The following CATSPER4 variants were observed in gnomAD, a reference collection of about 807,000 sequenced individuals.
CATSPER4 encodes cation channel sperm-associated protein 4.
A neutral mutation model predicts 54.4 loss-of-function variants in CATSPER4; 46 were observed. That is an observed-to-expected ratio of 0.84 (90% CI 0.67 to 1.08). CATSPER4 has a LOEUF of 1.08. Among genes scored for constraint, CATSPER4 ranks in the 50% least tolerant of loss-of-function variants. The pLI is 0.00. For missense variants in CATSPER4, 574 were observed against 612.8 expected (o/e 0.94, Z 0.67); for synonymous variants, 230 against 231.9 (o/e 0.99, Z 0.08).
At position 26,199,971 on chromosome 1, in the gene CATSPER4, C is replaced by T. The variant is rs2088988882; in HGVS notation, c.900C>T (p.Asn300=). Residue 300 remains asparagine, a synonymous_variant, in exon 7 of 10, where the codon AAC becomes AAT. Transcript: ENST00000456354. ...CCATCGGTGCCTTCATTGGCATCAA[C>T]CTGTTCGTCATCGTGGTGACCACCA... The part of the protein sequence containing the change: ...FITIGAFIGI[N]LFVIVVTTNL... The T allele has an allele frequency of 5.0e-6, 8 of 1,614,116 alleles. No individual in the cohort carries two copies. Among genetic ancestry groups the T allele is most frequent in the South Asian group, 1.1e-5 (1 of 91,062 alleles).
rs1569904744 is a variant in CATSPER4, at chr1:26,196,375, A to G, written c.460-1311A>G. 2.4e-5 allele frequency among the ~76,000 whole-genome samples: 3 copies of G among 124,862 alleles called. No homozygotes were observed. The East Asian group carries it at 7.1e-4, about 30-fold the overall frequency. 81.9% of individuals were successfully genotyped at this position (124,862 alleles called of 152,430 possible). A position where few individuals can be genotyped will look rare whatever the true frequency, so the allele number is the denominator to read the frequency against. Reference sequence around the variant, plus strand: ...TAGTTTATCCAATCAGTCTCTTCTGATCATTTGACACGTTGGTTTTCTTTT... The same window carrying G: ...TAGTTTATCCAATCAGTCTCTTCTGGTCATTTGACACGTTGGTTTTCTTTT... On this transcript the variant is annotated intron_variant, in intron 3 of 9. Coordinates refer to ENST00000456354, the MANE Select transcript of CATSPER4 (RefSeq NM_198137.2).
chr1:26,193,847 G>T lies in CATSPER4; in HGVS notation c.418G>T (p.Val140Phe). The T allele has an allele frequency of 1.2e-6, 2 of 1,614,102 alleles. No homozygotes were observed. The highest frequency in any genetic ancestry group is 1.7e-6 in the Non-Finnish European group (2 of 1,179,984). The change falls in exon 3 of 10, where the codon GTT becomes TTT. Residue 140 changes from valine (V) to phenylalanine (F), a missense_variant. Coordinates refer to ENST00000456354, the MANE Select transcript of CATSPER4 (RefSeq NM_198137.2). ...TGTGCTGACCATCCTTCTTTGTGAGGTTCTCCTTGGCTGGCTCAATGGCTT... is the reference window on the plus strand; with the variant it reads ...TGTGCTGACCATCCTTCTTTGTGAGTTTCTCCTTGGCTGGCTCAATGGCTT... ...DIVLTILLCE[V>F]LLGWLNGFWI...
chr1:26,201,129 T>C lies in CATSPER4; in HGVS notation c.1199+88T>C. On this transcript the variant is annotated intron_variant, in intron 8 of 9. Transcript: ENST00000456354. ...GTCTTCTGGCCTCACGCCCTCACCA[T>C]TTATAAGGCAGAGCCTGGGCCCCAC... 4.2e-6 allele frequency: 5 copies of C among 1,182,050 alleles called. No homozygotes were observed. The South Asian group carries it at 4.9e-5, about 12-fold the overall frequency. The allele number at this position is 1,182,050 out of a possible 1,614,324, so 73.2% of individuals were successfully genotyped here.
intron 9 of CATSPER4, 106 bp from the exon 10 acceptor site, chr1:26,202,383 C>T (rs1194442574): frequency 2.0e-6 from 2 of 999,352 alleles, no homozygotes; most frequent in African/African-American, 1.6e-5. Context: ...AAGCACTTCT[C>T]TGGGAGGCCT....
chr1:26,197,606 TG>T, intron 3 of CATSPER4, 79 bp from the exon 4 acceptor site: 2 of 951,878 alleles, frequency 2.1e-6, no homozygotes, highest in Non-Finnish European at 3.4e-6. Context: ...CCCTCATCCC[TG>T]GGATGTGGGG....
In CATSPER4 at chr1:26,202,578, A is replaced by T; in HGVS notation, c.*36A>T. On this transcript the variant is annotated 3_prime_UTR_variant, in exon 10 of 10. Transcript: ENST00000456354. ...TGGGAGCCAAGGGGCCTGCACACAC[A>T]CACCCAGCCGCTGCGTCTTCCTGTG... 1.3e-6 allele frequency: 2 copies of T among 1,584,520 alleles called. No individual in the cohort carries two copies. Among genetic ancestry groups the T allele is most frequent in the East Asian group, 4.5e-5 (2 of 44,334 alleles).
rs2124530051 is a variant in CATSPER4, at chr1:26,200,895, G to T, written c.1053G>T (p.Ser351=). The T allele has an allele frequency of 6.2e-7, 1 of 1,614,132 alleles. No homozygotes were observed. The highest frequency in any genetic ancestry group is 8.5e-7 in the Non-Finnish European group (1 of 1,180,018). The change falls in exon 8 of 10, where the codon TCG becomes TCT. Residue 351 remains serine, a synonymous_variant. Transcript: ENST00000456354. Reference sequence around the variant, plus strand: ...TGGTGCATTGTGTGGTCGCCCGCTCGGAGAAATCTGGTCTCCTCCAGGAAC... The same window carrying T: ...TGGTGCATTGTGTGGTCGCCCGCTCTGAGAAATCTGGTCTCCTCCAGGAAC... ...LPLVHCVVAR[S]EKSGLLQEPL... is the part of the protein sequence containing the mutation.
intron 3 of CATSPER4, among the ~76,000 whole-genome samples, chr1:26,194,414 A>G (rs1038034591): frequency 5.9e-5 from 9 of 152,230 alleles, no homozygotes; most frequent in African/African-American, 1.2e-4. Context: ...CACTTGCTTT[A>G]CTCCTACTTA....
At chr1:26,196,390 G>A (rs991738971) in intron 3 of CATSPER4, among the ~76,000 whole-genome samples, 2 of 139,188 alleles carry the variant, frequency 1.4e-5, no homozygotes, top group Admixed American at 7.4e-5. Flanking sequence ...TTGACACGTT[G>A]GTTTTCTTTT....
At chr1:26,197,300 A>G (rs974170327) in intron 3 of CATSPER4, among the ~76,000 whole-genome samples, 6 of 152,066 alleles carry the variant, frequency 3.9e-5, no homozygotes, top group Non-Finnish European at 8.8e-5. Context: ...ATCCATTTTC[A>G]TTTTATTATT....
intron 1 of CATSPER4, 34 bp from the exon 2 acceptor site, chr1:26,191,253 C>A (rs1453770132): frequency 5.0e-6 from 8 of 1,612,968 alleles, no homozygotes; most frequent in Non-Finnish European, 6.8e-6. Context: ...CCTATGGTGA[C>A]ACCTGCCTGA....
intron 7 of CATSPER4, 71 bp downstream of exon 7, chr1:26,200,129 T>C (rs1446568520): frequency 1.1e-5 from 16 of 1,496,580 alleles, no homozygotes; most frequent in Non-Finnish European, 1.5e-5. Flanking sequence ...CATATGTGCA[T>C]GTATGTGTGT....
In CATSPER4 at chr1:26,198,475, G is replaced by A. The variant is rs539747528; in HGVS notation, c.812+56G>A. ...CCACCTATGGGGCAGGGTAGCCGGT[G>A]GAGCTCCAGGCTGAGAGTGGGAGCT... On this transcript the variant is annotated intron_variant, in intron 6 of 9. Coordinates refer to ENST00000456354, the MANE Select transcript of CATSPER4 (RefSeq NM_198137.2). 9.3e-6 allele frequency: 15 copies of A among 1,610,036 alleles called. No homozygotes were observed. In the Admixed American group the frequency reaches 1.0e-4, roughly 11 times the overall value.
chr1:26,192,676 C>T (rs541563466), intron 2 of CATSPER4, among the ~76,000 whole-genome samples: 2 of 151,882 alleles, frequency 1.3e-5, no homozygotes, highest in East Asian at 3.9e-4. Context: ...ATCCTCCAGC[C>T]TTGGCCTCCC....
At chr1:26,200,193 G>GC (rs1234387605) in intron 7 of CATSPER4, 135 bp downstream of exon 7, 50 of 1,015,810 alleles carry the variant, frequency 4.9e-5, no homozygotes, top group Non-Finnish European at 6.9e-5. Context: ...GGAGGCAGCA[G>GC]CCCCCCATCT....
rs1258207756 is a variant in CATSPER4 at position 26,190,644 on chromosome 1, A to C, written c.17A>C (p.Lys6Thr). The C allele has an allele frequency of 1.9e-6, 3 of 1,604,330 alleles. No homozygotes were observed. Among genetic ancestry groups the C allele is most frequent in the Middle Eastern group, 1.6e-4 (1 of 6,072 alleles). MRDNE[K>T]AWWQQWTSHT... is the part of the protein sequence containing the mutation. ...TGAGCAAACATGAGGGATAATGAAA[A>C]GGCCTGGTGGCAGCAATGGACCTCC... The change falls in exon 1 of 10, where the codon AAG becomes ACG. Residue 6 changes from lysine to threonine, a missense_variant. Physicochemically the swap from Lys to Thr is moderately conservative, Grantham distance 78. Coordinates refer to ENST00000456354, the MANE Select transcript of CATSPER4 (RefSeq NM_198137.2).
At chr1:26,196,665 C>A (rs1244601416) in intron 3 of CATSPER4, among the ~76,000 whole-genome samples, 1 of 151,996 alleles carries the variant, frequency 6.6e-6, no homozygotes, top group Non-Finnish European at 1.5e-5. Context: ...CCCACCTCAG[C>A]CTCCCAAAGT....
chr1:26,193,956 C>A, intron 3 of CATSPER4, 68 bp downstream of exon 3: 1 of 1,033,026 alleles, frequency 9.7e-7, no homozygotes, highest in Non-Finnish European at 1.5e-6. Flanking sequence ...TGCCCCTGTA[C>A]TCCTGGCCCT....
Position 26,190,794 on chromosome 1 carries a change from C to T in CATSPER4, c.167C>T (p.Pro56Leu). The T allele has an allele frequency of 6.2e-7, 1 of 1,613,104 alleles. No individual in the cohort carries two copies. Residue 56 changes from proline to leucine, a missense_variant, in exon 1 of 10, where the codon CCA becomes CTA. Pro to Leu is a moderately conservative substitution (Grantham distance 98, BLOSUM62 -3). Transcript: ENST00000456354. ...QSTIHESYGRPEEQVLINRQE... is the reference protein window; with the variant it reads ...QSTIHESYGRLEEQVLINRQE... ...ACCATTCACGAGTCCTACGGTCGGC[C>T]AGAGGAGCAAGTGCTCATCAACCGC...
Sources: allele counts gnomAD v4.1 joint callset (sites outside exome capture counted in the v4.1 genomes callset), GRCh38; gene constraint gnomAD v4.1.1; transcripts MANE v1.5; gene names NCBI Gene and HGNC (gene_info 2026-07-23, HGNC 2026-07-21).